CDH18: variants seen among roughly 807,000 people sequenced by gnomAD.
CDH18 encodes cadherin 18.
Under a neutral mutation model 67.9 loss-of-function variants are expected in CDH18, and 31 were observed. The observed-to-expected ratio is 0.46, with a 90% CI of 0.34 to 0.62. The LOEUF (loss-of-function observed/expected upper bound fraction) is 0.62, where lower values mean the gene tolerates loss of function less well. Ranked by LOEUF, CDH18 falls within the 20% of genes least tolerant of loss-of-function variation. CDH18 has a pLI of 0.01. For missense variants in CDH18, 890 were observed against 975.5 expected (o/e 0.91, Z 1.17); for synonymous variants, 362 against 347.2 (o/e 1.04, Z -0.48).
At chr5:20,164,312 G>C (rs1008065456) in intron 2 of CDH18, among the ~76,000 whole-genome samples, 2 of 152,158 alleles carry the variant, frequency 1.3e-5, no homozygotes, top group South Asian at 4.2e-4. Flanking sequence ...TTCAGATGGA[G>C]TTTAGCTCTT....
chr5:20,360,810 T>TA (rs1742028666), intron 1 of CDH18, among the ~76,000 whole-genome samples: 1 of 152,190 alleles, frequency 6.6e-6, no homozygotes, highest in Non-Finnish European at 1.5e-5. Context: ...AGCTTCTATA[T>TA]ACACCTGTGT....
intron 3 of CDH18, among the ~76,000 whole-genome samples, chr5:19,759,525 G>A (rs1458530548): frequency 1.3e-5 from 2 of 152,090 alleles, no homozygotes; most frequent in Admixed American, 6.5e-5. Flanking sequence ...ACCACAGGCC[G>A]AGTCCAGGGA....
chr5:20,416,071 T>C (rs886809843), intron 1 of CDH18, among the ~76,000 whole-genome samples: 2 of 152,136 alleles, frequency 1.3e-5, no homozygotes, highest in East Asian at 1.9e-4. Context: ...CTGTACAACT[T>C]TGTGCCTATA....
chr5:20,363,905 T>A (rs965649061), intron 1 of CDH18, among the ~76,000 whole-genome samples: 4 of 152,056 alleles, frequency 2.6e-5, no homozygotes, highest in Admixed American at 1.3e-4. Context: ...ACACCATGAG[T>A]CAGGCACTAC....
At chr5:19,963,230 A>T (rs1242392940) in intron 2 of CDH18, among the ~76,000 whole-genome samples, 3 of 152,136 alleles carry the variant, frequency 2.0e-5, no homozygotes, top group African/African-American at 7.2e-5. Flanking sequence ...ACAATTCTTA[A>T]GCAGTTTTCA....
chr5:19,605,610 T>C (rs990311335), intron 6 of CDH18, among the ~76,000 whole-genome samples: 1 of 152,056 alleles, frequency 6.6e-6, no homozygotes, highest in African/African-American at 2.4e-5. Context: ...AACTCTGTCA[T>C]ATAAAACAAC....
At chr5:20,565,697 C>A (rs969534736) in intron 1 of CDH18, among the ~76,000 whole-genome samples, 2 of 150,898 alleles carry the variant, frequency 1.3e-5, no homozygotes, top group Non-Finnish European at 2.9e-5. Context: ...TGCATATAAT[C>A]AATGTGCTTC....
chr5:19,776,112 A>T, intron 3 of CDH18, among the ~76,000 whole-genome samples: 1 of 152,174 alleles, frequency 6.6e-6, no homozygotes, highest in East Asian at 1.9e-4. Context: ...GAGAAATTTG[A>T]AAAAAATACT....
intron 1 of CDH18, among the ~76,000 whole-genome samples, chr5:20,509,148 A>G (rs1754856938): frequency 6.6e-6 from 1 of 152,188 alleles, no homozygotes; most frequent in African/African-American, 2.4e-5. Context: ...ATACATTGTT[A>G]TCAATTATAG....
At chr5:20,041,668 T>C (rs775187748) in intron 2 of CDH18, among the ~76,000 whole-genome samples, 2 of 151,480 alleles carry the variant, frequency 1.3e-5, no homozygotes, top group Non-Finnish European at 2.9e-5. Context: ...GGTACTTTTG[T>C]ACTCTCAAAA....
chr5:19,822,546 G>A (rs562612531), intron 3 of CDH18, among the ~76,000 whole-genome samples: 1 of 152,210 alleles, frequency 6.6e-6, no homozygotes, highest in East Asian at 1.9e-4. Flanking sequence ...GGGCATCCGG[G>A]GCAGACATCA....
chr5:20,490,297 T>C (rs1753510830), intron 1 of CDH18, among the ~76,000 whole-genome samples: 1 of 152,020 alleles, frequency 6.6e-6, no homozygotes, highest in South Asian at 2.1e-4. Flanking sequence ...TTAGTGGCAG[T>C]GAATTTTATC....
chr5:20,356,926 C>CAT lies in CDH18; in HGVS notation c.-579-101423_-579-101422dup, dbSNP rs1261421959. Among the ~76,000 whole-genome samples, 287 of 149,574 alleles carry CAT rather than the reference C, an allele frequency of 1.9e-3. 1 individual carries two copies. Among genetic ancestry groups the CAT allele is most frequent in the African/African-American group, 6.5e-3 (264 of 40,792 alleles). ...ATATATACGTGTGTATACATATATACATATATATACACACACATATATATG... is the reference window on the plus strand; with the variant it reads ...ATATATACGTGTGTATACATATATACATATATATATACACACACATATATATG... On this transcript the variant is annotated intron_variant, in intron 1 of 14. Coordinates refer to the CDH18 transcript ENST00000507958.
At chr5:20,168,258 A>G (rs2126637362) in intron 2 of CDH18, among the ~76,000 whole-genome samples, 1 of 152,280 alleles carries the variant, frequency 6.6e-6, no homozygotes, top group African/African-American at 2.4e-5. Context: ...TATTTTGTAC[A>G]TATATAAAAT....
intron 3 of CDH18, among the ~76,000 whole-genome samples, chr5:19,794,385 T>C (rs1023063120): frequency 7.9e-5 from 12 of 152,132 alleles, no homozygotes; most frequent in African/African-American, 2.7e-4. Flanking sequence ...ATGTCATAGA[T>C]GGGACATCCA....
chr5:20,460,054 T>C (rs1209063001), intron 1 of CDH18, among the ~76,000 whole-genome samples: 1 of 152,116 alleles, frequency 6.6e-6, no homozygotes, highest in Non-Finnish European at 1.5e-5. Flanking sequence ...TGTAATATTC[T>C]GTAGAATATT....
chr5:19,600,343 T>A (rs753258674), intron 6 of CDH18, among the ~76,000 whole-genome samples: 2 of 151,622 alleles, frequency 1.3e-5, no homozygotes, highest in African/African-American at 4.8e-5. Flanking sequence ...AACTTAAAAG[T>A]ATAATAATTA....
At chr5:20,192,802 T>G (rs1394117299) in intron 2 of CDH18, among the ~76,000 whole-genome samples, 1 of 152,152 alleles carries the variant, frequency 6.6e-6, no homozygotes, top group African/African-American at 2.4e-5. Context: ...CCAGCTTTAT[T>G]CCTTTTGCTT....
chr5:20,339,782 G>T (rs1225201393), intron 1 of CDH18, among the ~76,000 whole-genome samples: 1 of 152,144 alleles, frequency 6.6e-6, no homozygotes, highest in Non-Finnish European at 1.5e-5. Context: ...ATGCTGATAT[G>T]TATATAGAAG....
Sources: allele counts gnomAD v4.1 joint callset (sites outside exome capture counted in the v4.1 genomes callset), GRCh38; gene constraint gnomAD v4.1.1; transcripts MANE v1.5; gene names NCBI Gene and HGNC (gene_info 2026-07-23, HGNC 2026-07-21).